Variants in ATP8B2 observed in about 807,000 individuals in gnomAD.
ATP8B2 encodes phospholipid-transporting ATPase ID.
ATP8B2 carries 70 observed loss-of-function variants against 133.4 expected under a neutral mutation model. The observed-to-expected ratio is 0.52, with a 90% CI of 0.43 to 0.64. ATP8B2 has a LOEUF of 0.64. Ranked by LOEUF, ATP8B2 falls within the 30% of genes least tolerant of loss-of-function variation. The probability of loss-of-function intolerance (pLI) is 0.00; values close to 1 mark genes in which losing one functional copy is unlikely to be tolerated. For missense variants in ATP8B2, 1,101 were observed against 1,535.7 expected, an observed-to-expected ratio of 0.72 and a Z score of 4.73; for synonymous variants, 517 against 589.5, an observed-to-expected ratio of 0.88 and a Z score of 1.78.
intron 12 of ATP8B2, among the ~76,000 whole-genome samples, chr1:154,339,524 A>G (rs1357238305): frequency 1.3e-5 from 2 of 152,096 alleles, no homozygotes; most frequent in Admixed American, 6.6e-5. Flanking sequence ...TGTGCTTACA[A>G]CCTAATTTTG....
chr1:154,340,557 G>A lies in ATP8B2; in HGVS notation c.1035-297G>A, dbSNP rs1558272534. On this transcript the variant is annotated intron_variant, in intron 12 of 27. Coordinates refer to ENST00000368489, the MANE Select transcript of ATP8B2 (RefSeq NM_001370597.1). The surrounding 1 kb of genome is among the most constrained non-coding windows in gnomAD (Gnocchi z 4.0). The stretch of plus-strand genomic sequence containing the variant: ...ATTAGTCCTGAGGTAAGAACTGGCC[G>A]AGTGCCTTGTCTACAGCCCCTTTTC... The A allele has an allele frequency of 2.3e-6, 1 of 427,598 alleles. No homozygotes were observed. Among genetic ancestry groups the A allele is most frequent in the Non-Finnish European group, 4.5e-6 (1 of 224,710 alleles). The allele number at this position is 427,598 out of a possible 1,614,324, so 26.5% of individuals were successfully genotyped here. A position where few individuals can be genotyped will look rare whatever the true frequency, so the allele number is the denominator to read the frequency against.
chr1:154,328,178 A>C lies in ATP8B2; in HGVS notation c.31+6A>C. The C allele has an allele frequency of 6.2e-7, 1 of 1,613,076 alleles. No individual in the cohort carries two copies. The highest frequency in any genetic ancestry group is 8.5e-7 in the Non-Finnish European group (1 of 1,179,220). Reference sequence around the variant, plus strand: ...TGCAAAAAAGCGCCCCCCAGGTAAGACAGGCAAGGAGGGGAGATCCCGGGA... The same window carrying C: ...TGCAAAAAAGCGCCCCCCAGGTAAGCCAGGCAAGGAGGGGAGATCCCGGGA... On this transcript the variant is annotated splice_donor_region_variant and intron_variant, in intron 2 of 27. Coordinates refer to ENST00000368489, the MANE Select transcript of ATP8B2 (RefSeq NM_001370597.1). This position sits in a 1 kb window ranked among gnomAD's most constrained non-coding sequence, Gnocchi z 4.6.
chr1:154,337,967 G>A, intron 12 of ATP8B2: 1 of 315,168 alleles, frequency 3.2e-6, no homozygotes, highest in South Asian at 4.1e-5. Context: ...GTGAAGCTTG[G>A]GGATACAGAG....
chr1:154,349,379 A>C lies in ATP8B2; in HGVS notation c.*261A>C. On this transcript the variant is annotated 3_prime_UTR_variant, in exon 28 of 28. Coordinates refer to ENST00000368489, the MANE Select transcript of ATP8B2 (RefSeq NM_001370597.1). The stretch of plus-strand genomic sequence containing the variant: ...GGGGAGCCAGCCCCACTCGGGGACC[A>C]GAAGTGGAACCAAAAACAAGAAAAA... 4 of 522,030 alleles carry C rather than the reference A, an allele frequency of 7.7e-6. 1 individual carries two copies. The South Asian group carries it at 1.1e-4, about 15-fold the overall frequency. 32.3% of individuals were successfully genotyped at this position (522,030 alleles called of 1,614,324 possible).
In ATP8B2 at chr1:154,328,821, C is replaced by A; in HGVS notation, c.31+649C>A. 1 of 1,036,724 alleles carries A rather than the reference C, an allele frequency of 9.6e-7. No individual in the cohort carries two copies. The highest frequency in any genetic ancestry group is 1.2e-6 in the Non-Finnish European group (1 of 861,872). 64.2% of individuals were successfully genotyped at this position (1,036,724 alleles called of 1,614,324 possible). A position where few individuals can be genotyped will look rare whatever the true frequency, so the allele number is the denominator to read the frequency against. ...CTGAGCTCGCGGTGTCCCCGAGCGCCGGCGGCCGGGAGGATGGCCTGGGCT... is the reference window on the plus strand; with the variant it reads ...CTGAGCTCGCGGTGTCCCCGAGCGCAGGCGGCCGGGAGGATGGCCTGGGCT... On this transcript the variant is annotated intron_variant, in intron 2 of 27. Transcript: ENST00000368489. This position sits in a 1 kb window ranked among gnomAD's most constrained non-coding sequence, Gnocchi z 4.6.
At chr1:154,336,631 G>A (rs1261458287) in intron 11 of ATP8B2, among the ~76,000 whole-genome samples, 1 of 151,778 alleles carries the variant, frequency 6.6e-6, no homozygotes, top group Non-Finnish European at 1.5e-5. Flanking sequence ...GGGATTACAG[G>A]TGCCCGCCAC....
chr1:154,328,162 G>T lies in ATP8B2; in HGVS notation c.21G>T (p.Lys7Asn), dbSNP rs1685853569. 6.2e-7 allele frequency: 1 copy of T among 1,613,944 alleles called. No homozygotes were observed. The highest frequency in any genetic ancestry group is 8.5e-7 in the Non-Finnish European group (1 of 1,179,928). Residue 7 changes from lysine (K) to asparagine (N), a missense_variant, in exon 2 of 28, where the codon AAG becomes AAT. By Grantham distance (94) the Lys-to-Asn change is moderately conservative. Coordinates refer to ENST00000368489, the MANE Select transcript of ATP8B2 (RefSeq NM_001370597.1). This position sits in a 1 kb window ranked among gnomAD's most constrained non-coding sequence, Gnocchi z 4.6. The stretch of plus-strand genomic sequence containing the variant: ...GTGAGATGGCAGTGTGTGCAAAAAA[G>T]CGCCCCCCAGGTAAGACAGGCAAGG... MAVCAK[K>N]RPPEEERRAR...
chr1:154,336,482 AATT>A (rs1686185668), intron 11 of ATP8B2, among the ~76,000 whole-genome samples: 1 of 95,238 alleles, frequency 1.0e-5, no homozygotes, highest in East Asian at 4.0e-4. Context: ...AAATCTCATA[AATT>A]TTTTTTTTTT....
In ATP8B2 at chr1:154,349,001, C is replaced by G; in HGVS notation, c.3456C>G (p.Leu1152=). The G allele has an allele frequency of 6.2e-7, 1 of 1,614,226 alleles. No homozygotes were observed. Among genetic ancestry groups the G allele is most frequent in the Non-Finnish European group, 8.5e-7 (1 of 1,180,032 alleles). The change falls in exon 28 of 28, where the codon CTC becomes CTG. Residue 1152 remains leucine, a synonymous_variant. Coordinates refer to ENST00000368489, the MANE Select transcript of ATP8B2 (RefSeq NM_001370597.1). ...GCAAGAACATGCGGCTGAGCTCTCT[C>G]GCGCTCTCCAGCTTCACCACCCGCT... ...MSGKNMRLSS[L]ALSSFTTRSS... is the part of the protein sequence containing the mutation.
In ATP8B2 at chr1:154,343,739, C is replaced by T. The variant is rs1206436921; in HGVS notation, c.1759-154C>T. ...GACAACTTAACACATCAGCCAGCTCCCATAGTTACCTCTTTTTATGTATGT... is the reference window on the plus strand; with the variant it reads ...GACAACTTAACACATCAGCCAGCTCTCATAGTTACCTCTTTTTATGTATGT... On this transcript the variant is annotated intron_variant, in intron 17 of 27. Transcript: ENST00000368489. The surrounding 1 kb of genome is among the most constrained non-coding windows in gnomAD (Gnocchi z 5.8). 2.0e-5 allele frequency among the ~76,000 whole-genome samples: 3 copies of T among 152,190 alleles called. No individual in the cohort carries two copies. The highest frequency in any genetic ancestry group is 1.3e-4 in the Admixed American group (2 of 15,286).
At position 154,337,738 on chromosome 1, in the gene ATP8B2, T is replaced by G. The variant is rs186304071; in HGVS notation, c.1034+194T>G. Reference sequence around the variant, plus strand: ...ACCACAGTTTCCTGGTACTTGGGACTGTATTAGAGAAAAAAAAATATTGAT... The same window carrying G: ...ACCACAGTTTCCTGGTACTTGGGACGGTATTAGAGAAAAAAAAATATTGAT... On this transcript the variant is annotated intron_variant, in intron 12 of 27. Transcript: ENST00000368489. 1.8e-4 allele frequency: 269 copies of G among 1,516,526 alleles called. No homozygotes were observed. In the African/African-American group the frequency reaches 3.0e-3, roughly 17 times the overall value. 93.9% of individuals were successfully genotyped at this position (1,516,526 alleles called of 1,614,324 possible).
In ATP8B2 at chr1:154,344,800, CCTTAG is replaced by C; in HGVS notation, c.2286+19_2286+23del. On this transcript the variant is annotated intron_variant, in intron 21 of 27. Coordinates refer to ENST00000368489, the MANE Select transcript of ATP8B2 (RefSeq NM_001370597.1). The surrounding 1 kb of genome is among the most constrained non-coding windows in gnomAD (Gnocchi z 4.1). The stretch of plus-strand genomic sequence containing the variant: ...GTCACAGCCTGGTAGGCATCGCTAT[CCTTAG>C]CTTGGGCAGTATCTTTCCAGTGAGC... 6.3e-7 allele frequency: 1 copy of C among 1,588,250 alleles called. No individual in the cohort carries two copies. Among genetic ancestry groups the C allele is most frequent in the South Asian group, 1.1e-5 (1 of 89,356 alleles).
intron 8 of ATP8B2, 123 bp from the exon 9 acceptor site, chr1:154,332,495 C>T: frequency 1.3e-6 from 1 of 751,052 alleles, no homozygotes; most frequent in Non-Finnish European, 2.2e-6. Context: ...GAGTTCGAGG[C>T]TTTAGTGAGC....
rs986347796 is a variant in ATP8B2, at chr1:154,325,557, A to T, written c.-183A>T. On this transcript the variant is annotated 5_prime_UTR_variant, in exon 1 of 28. Coordinates refer to ENST00000368489, the MANE Select transcript of ATP8B2 (RefSeq NM_001370597.1). ...CCCCGCCGTGGCCGAAACTGACACA[A>T]AGTAGCGGGCCGAGGCCCCGGGGGA... is the stretch of plus-strand genomic sequence containing the variant. 1 of 151,548 alleles carries T rather than the reference A, an allele frequency of 6.6e-6. No individual in the cohort carries two copies. Among genetic ancestry groups the T allele is most frequent in the Non-Finnish European group, 1.5e-5 (1 of 67,710 alleles). The allele number at this position is 151,548 out of a possible 1,614,324, so 9.4% of individuals were successfully genotyped here. A position where few individuals can be genotyped will look rare whatever the true frequency, so the allele number is the denominator to read the frequency against.
rs1686494223 is a variant in ATP8B2, at chr1:154,344,024, T to C, written c.1890T>C (p.Ala630=). Residue 630 remains alanine, a synonymous_variant, in exon 18 of 28, where the codon GCT becomes GCC. Transcript: ENST00000368489. The surrounding 1 kb of genome is among the most constrained non-coding windows in gnomAD (Gnocchi z 4.1). ...AGGACAGCCGGGAGGACAGGCTGGC[T>C]AGCATCTATGAGGAGGTTGAGAACA... ...LAQDSREDRL[A]SIYEEVENNM... The C allele has an allele frequency of 6.2e-7, 1 of 1,614,094 alleles. No individual in the cohort carries two copies. Among genetic ancestry groups the C allele is most frequent in the Non-Finnish European group, 8.5e-7 (1 of 1,179,976 alleles).
At chr1:154,341,349 G>A (rs1686378699) in intron 13 of ATP8B2, 1 of 450,696 alleles carries the variant, frequency 2.2e-6, no homozygotes, top group Admixed American at 3.4e-5. Flanking sequence ...GCCAGGTATG[G>A]TGGCATGCAC....
chr1:154,340,602 G>C lies in ATP8B2; in HGVS notation c.1035-252G>C, dbSNP rs1210556798. On this transcript the variant is annotated intron_variant, in intron 12 of 27. Transcript: ENST00000368489. The surrounding 1 kb of genome is among the most constrained non-coding windows in gnomAD (Gnocchi z 4.0). ...CTTTTCCTCCTTTGCTGTCTGTCCT[G>C]CCCACCCAGGCCCTTTGCACCTTCT... 1.3e-5 allele frequency: 7 copies of C among 539,802 alleles called. No homozygotes were observed. 33.4% of individuals were successfully genotyped at this position (539,802 alleles called of 1,614,324 possible).
chr1:154,332,596 C>T (rs1309008874), intron 8 of ATP8B2, 22 bp from the exon 9 acceptor site: 2 of 1,561,054 alleles, frequency 1.3e-6, no homozygotes, highest in Admixed American at 1.9e-5. Flanking sequence ...GGAGCGGGGA[C>T]TCAGAGATAC....
chr1:154,348,434 C>A lies in ATP8B2; in HGVS notation c.3190C>A (p.Pro1064Thr). 1.9e-6 allele frequency: 3 copies of A among 1,611,794 alleles called. No homozygotes were observed. Among genetic ancestry groups the A allele is most frequent in the Non-Finnish European group, 2.5e-6 (3 of 1,178,104 alleles). Residue 1064 changes from proline (P) to threonine (T), a missense_variant, in exon 27 of 28, where the codon CCC becomes ACC. Coordinates refer to ENST00000368489, the MANE Select transcript of ATP8B2 (RefSeq NM_001370597.1). Reference sequence around the variant, plus strand: ...GAATGCCCAGAACACCTTGGCCCAGCCCACGGTGTGGCTGACCATTGTGCT... The same window carrying A: ...GAATGCCCAGAACACCTTGGCCCAGACCACGGTGTGGCTGACCATTGTGCT... Reference protein sequence around the residue: ...VGNAQNTLAQPTVWLTIVLTT... With the variant: ...VGNAQNTLAQTTVWLTIVLTT...
Sources: gnomAD v4.1 joint callset for allele counts (sites outside exome capture counted in the v4.1 genomes callset) on GRCh38, gnomAD v4.1.1 for gene constraint, Gnocchi (gnomAD v3.1) non-coding constraint, MANE v1.5 for transcripts, NCBI Gene and HGNC (gene_info 2026-07-23, HGNC 2026-07-21) for gene names.